The following AGBL1 variants were observed in gnomAD, a reference collection of about 807,000 sequenced individuals.
AGBL1 encodes the protein cytosolic carboxypeptidase 4.
AGBL1 carries 130 observed loss-of-function variants against 118.9 expected under a neutral mutation model. The observed-to-expected ratio is 1.09, with a 90% CI of 0.95 to 1.26. The LOEUF (loss-of-function observed/expected upper bound fraction) is 1.26. Among genes scored for constraint, AGBL1 ranks in the 50% most tolerant of loss-of-function variants. AGBL1 has a pLI of 0.00. For missense variants in AGBL1, 1,584 were observed against 1,298.1 expected, an observed-to-expected ratio of 1.22 and a Z score of -3.38; for synonymous variants, 555 against 478.9, an observed-to-expected ratio of 1.16 and a Z score of -2.08.
At chr15:86,466,646 T>C (rs2082412231) in intron 18 of AGBL1, among the ~76,000 whole-genome samples, 1 of 152,244 alleles carries the variant, frequency 6.6e-6, no homozygotes, top group South Asian at 2.1e-4. Context: ...ACCTTTGGTG[T>C]TTGCTGTTGG....
At chr15:86,637,838 C>A (rs1451356099) in intron 21 of AGBL1, among the ~76,000 whole-genome samples, 2 of 152,208 alleles carry the variant, frequency 1.3e-5, no homozygotes, top group Admixed American at 1.3e-4. Flanking sequence ...ACTGTAAGTT[C>A]TTTGAGGCAG....
chr15:86,343,632 C>T (rs372135027), intron 17 of AGBL1, among the ~76,000 whole-genome samples: 21 of 152,002 alleles, frequency 1.4e-4, no homozygotes, highest in Non-Finnish European at 2.1e-4. Context: ...TTAAAGGGGC[C>T]GTGATAGATT....
At chr15:86,286,685 GTA>G (rs769698843) in intron 16 of AGBL1, among the ~76,000 whole-genome samples, 1 of 146,886 alleles carries the variant, frequency 6.8e-6, no homozygotes, top group Non-Finnish European at 1.5e-5. Flanking sequence ...GTGTATGTAT[GTA>G]TATATATATG....
At chr15:86,602,058 CTCTT>C (rs1344768294) in intron 21 of AGBL1, among the ~76,000 whole-genome samples, 3 of 152,030 alleles carry the variant, frequency 2.0e-5, no homozygotes, top group African/African-American at 2.4e-5. Context: ...TCTTTCCCTT[CTCTT>C]TCTTTCTTTT....
At chr15:86,749,238 T>C (rs1596445405) in intron 22 of AGBL1, among the ~76,000 whole-genome samples, 2 of 152,280 alleles carry the variant, frequency 1.3e-5, no homozygotes, top group African/African-American at 4.8e-5. Context: ...CCCTTGGAAG[T>C]TGGATTCCTA....
chr15:86,963,115 C>G (rs954864962), intron 23 of AGBL1, among the ~76,000 whole-genome samples: 1 of 152,024 alleles, frequency 6.6e-6, no homozygotes, highest in Non-Finnish European at 1.5e-5. Flanking sequence ...AGCATCAGAT[C>G]TGGATCTAAA....
chr15:86,571,730 T>C (rs1261106534), intron 21 of AGBL1, among the ~76,000 whole-genome samples: 3 of 151,984 alleles, frequency 2.0e-5, no homozygotes, highest in Non-Finnish European at 2.9e-5. Context: ...AGGAAGCGGG[T>C]GCTGATTGAT....
chr15:87,002,862 C>A (rs1210339033), intron 24 of AGBL1, among the ~76,000 whole-genome samples: 1 of 152,146 alleles, frequency 6.6e-6, no homozygotes, highest in Admixed American at 6.5e-5. Context: ...TGCTTATCAG[C>A]TTAAGAAGAT....
chr15:86,850,423 C>T (rs926104506), intron 22 of AGBL1, among the ~76,000 whole-genome samples: 4 of 152,176 alleles, frequency 2.6e-5, no homozygotes, highest in African/African-American at 7.2e-5. Flanking sequence ...CCTATAGCAC[C>T]GACTACATGC....
intron 22 of AGBL1, among the ~76,000 whole-genome samples, chr15:86,765,470 T>A (rs2078084393): frequency 6.6e-6 from 1 of 151,794 alleles, no homozygotes. Flanking sequence ...GGGCACCCAC[T>A]TTGCAGCTGG....
chr15:86,976,261 A>ATG (rs1332619890), intron 23 of AGBL1, among the ~76,000 whole-genome samples: 5 of 150,858 alleles, frequency 3.3e-5, no homozygotes, highest in Admixed American at 6.6e-5. Flanking sequence ...ATGTATATAT[A>ATG]TGTGAATATG....
rs75558479 is a variant in AGBL1 at position 86,259,780 on chromosome 15, C to T, written c.969+1749C>T. ...GTGCTGCTGCAGTCATTCATCAATG[C>T]CACTTTCCCCTCCCCTCTTGCTTGC... On this transcript the variant is annotated intron_variant, in intron 9 of 22. Coordinates refer to ENST00000614907, the MANE Select transcript of AGBL1 (RefSeq NM_001386094.1). Among the ~76,000 whole-genome samples, 16 of 152,328 alleles carry T rather than the reference C, an allele frequency of 1.1e-4. No individual in the cohort carries two copies. In the East Asian group the frequency reaches 2.5e-3, roughly 24 times the overall value.
chr15:87,019,553 C>A (rs931235606), intron 24 of AGBL1, among the ~76,000 whole-genome samples: 1 of 151,926 alleles, frequency 6.6e-6, no homozygotes, highest in East Asian at 1.9e-4. Context: ...AGGCAGAAAT[C>A]AAGAAGTTCT....
chr15:86,358,812 T>G (rs756090569), intron 17 of AGBL1, among the ~76,000 whole-genome samples: 19 of 152,184 alleles, frequency 1.2e-4, no homozygotes, highest in Non-Finnish European at 2.2e-4. Context: ...TGGCTGTTTG[T>G]ACGTTTTTTC....
At chr15:86,399,845 A>G (rs1472945511) in intron 18 of AGBL1, among the ~76,000 whole-genome samples, 1 of 152,140 alleles carries the variant, frequency 6.6e-6, no homozygotes, top group East Asian at 1.9e-4. Flanking sequence ...ATTATTTATT[A>G]TGATATGACT....
intron 18 of AGBL1, among the ~76,000 whole-genome samples, chr15:86,516,621 G>A (rs1350558578): frequency 3.9e-5 from 6 of 152,042 alleles, no homozygotes; most frequent in Admixed American, 3.3e-4. Flanking sequence ...TCAACATGGC[G>A]AAACCCTGTC....
At chr15:86,349,364 G>C (rs1022559754) in intron 17 of AGBL1, among the ~76,000 whole-genome samples, 2 of 152,142 alleles carry the variant, frequency 1.3e-5, no homozygotes, top group African/African-American at 2.4e-5. Context: ...ATAACATTAA[G>C]AATGATGAGA....
At chr15:86,289,283 G>A (rs771879364) in intron 16 of AGBL1, among the ~76,000 whole-genome samples, 33 of 152,128 alleles carry the variant, frequency 2.2e-4, no homozygotes, top group South Asian at 8.3e-4. Flanking sequence ...ATGCCTCACC[G>A]CTGTTGTCTC....
At chr15:86,106,611 T>G (rs969347152) in intron 1 of AGBL1, among the ~76,000 whole-genome samples, 1 of 152,230 alleles carries the variant, frequency 6.6e-6, no homozygotes, top group South Asian at 2.1e-4. Context: ...TGTCTTAAAA[T>G]GGACAGAACA....
Sources: gnomAD v4.1 joint callset for allele counts (sites outside exome capture counted in the v4.1 genomes callset) on GRCh38, gnomAD v4.1.1 for gene constraint, MANE v1.5 for transcripts, NCBI Gene and HGNC (gene_info 2026-07-23, HGNC 2026-07-21) for gene names.